The following SLC6A11 variants were observed in gnomAD, a reference collection of about 807,000 sequenced individuals.
SLC6A11 encodes sodium- and chloride-dependent GABA transporter 3.
SLC6A11 carries 25 observed loss-of-function variants against 74.8 expected under a neutral mutation model. That is an observed-to-expected ratio of 0.33 (90% confidence interval 0.24 to 0.47). The LOEUF (loss-of-function observed/expected upper bound fraction) is 0.47. SLC6A11 is among the 20% of genes least tolerant of loss of function. The pLI is 1.00. For missense variants in SLC6A11, 574 were observed against 837.0 expected (o/e 0.69, Z 3.88); for synonymous variants, 330 against 330.2 (o/e 1.00, Z 0.01).
intron 5 of SLC6A11, among the ~76,000 whole-genome samples, chr3:10,866,550 G>A (rs1252666162): frequency 1.3e-5 from 2 of 152,162 alleles, no homozygotes; most frequent in Non-Finnish European, 2.9e-5. Context: ...TCCCACATGG[G>A]TCAGTGTTTA....
rs1171936688 is a variant in SLC6A11 at position 10,844,298 on chromosome 3, G to A, written c.708G>A (p.Trp236Ter). The A allele has an allele frequency of 6.2e-7, 1 of 1,614,222 alleles. No individual in the cohort carries two copies. The highest frequency in any genetic ancestry group is 1.3e-5 in the African/African-American group (1 of 75,066). Residue 236 changes from tryptophan to a stop codon, truncating the protein, a stop_gained, in exon 5 of 14, where the codon TGG becomes TGA. Coordinates refer to ENST00000254488, the MANE Select transcript of SLC6A11 (RefSeq NM_014229.3). LOFTEE classifies it high-confidence loss of function. ...WELALCLLAA[W>*]TICYFCIWKG... ...TGGCCTTGTGTCTCTTGGCAGCCTG[G>A]ACCATCTGTTACTTCTGTATCTGGA...
At chr3:10,904,416 A>G (rs1559577995) in intron 6 of SLC6A11, among the ~76,000 whole-genome samples, 1 of 152,136 alleles carries the variant, frequency 6.6e-6, no homozygotes, top group African/African-American at 2.4e-5. Flanking sequence ...CCCTGTTCCC[A>G]TGCAAATCTG....
intron 12 of SLC6A11, 84 bp from the exon 13 acceptor site, chr3:10,934,945 A>T (rs1695738870): frequency 8.4e-7 from 1 of 1,190,928 alleles, no homozygotes; most frequent in Non-Finnish European, 1.2e-6. Context: ...GCCTCTGGCT[A>T]GTCTGTTCCT....
At chr3:10,908,733 T>G (rs919109371) in intron 6 of SLC6A11, among the ~76,000 whole-genome samples, 12 of 152,096 alleles carry the variant, frequency 7.9e-5, no homozygotes, top group African/African-American at 2.9e-4. Context: ...TCTTTCAGAG[T>G]GTGACACAGG....
chr3:10,871,335 G>T (rs1022713059), intron 5 of SLC6A11, among the ~76,000 whole-genome samples: 5 of 152,172 alleles, frequency 3.3e-5, no homozygotes, highest in Admixed American at 1.3e-4. Flanking sequence ...ACATGGTAAG[G>T]TTCTTTTCCT....
At chr3:10,887,910 A>G (rs1237614494) in intron 6 of SLC6A11, among the ~76,000 whole-genome samples, 1 of 152,232 alleles carries the variant, frequency 6.6e-6, no homozygotes, top group African/African-American at 2.4e-5. Flanking sequence ...AATAAGATGA[A>G]GTCAGTAGAC....
intron 10 of SLC6A11, 26 bp downstream of exon 10, chr3:10,929,365 G>A (rs746884707): frequency 1.4e-5 from 22 of 1,609,774 alleles, no homozygotes; most frequent in East Asian, 1.1e-4. Context: ...CGGGCCGCAC[G>A]GGGTGAAGTG....
At chr3:10,848,298 G>A (rs1559559174) in intron 5 of SLC6A11, among the ~76,000 whole-genome samples, 1 of 152,216 alleles carries the variant, frequency 6.6e-6, no homozygotes, top group Admixed American at 6.5e-5. Context: ...CGAATAAGTT[G>A]ATCCCAAATG....
intron 4 of SLC6A11, among the ~76,000 whole-genome samples, chr3:10,838,574 C>A (rs892445007): frequency 6.6e-6 from 1 of 152,172 alleles, no homozygotes; most frequent in Non-Finnish European, 1.5e-5. Context: ...TATGGTGAAA[C>A]CCTGTCTTTA....
At chr3:10,913,638 C>G (rs556066992) in intron 7 of SLC6A11, among the ~76,000 whole-genome samples, 22 of 152,278 alleles carry the variant, frequency 1.4e-4, no homozygotes, top group African/African-American at 5.3e-4. Flanking sequence ...ATAAAGAATA[C>G]AAACAAGTCT....
chr3:10,897,776 C>G (rs1695188212), intron 6 of SLC6A11, among the ~76,000 whole-genome samples: 1 of 152,204 alleles, frequency 6.6e-6, no homozygotes, highest in African/African-American at 2.4e-5. Context: ...CCTCTTCTCA[C>G]AGCTCCACTA....
intron 6 of SLC6A11, among the ~76,000 whole-genome samples, chr3:10,878,584 T>A (rs1235571844): frequency 5.9e-5 from 9 of 151,634 alleles, no homozygotes; most frequent in Non-Finnish European, 1.0e-4. Flanking sequence ...TTTGTATTTT[T>A]TTTTTTTTTT....
chr3:10,845,099 T>C (rs909689119), intron 5 of SLC6A11, among the ~76,000 whole-genome samples: 6 of 152,230 alleles, frequency 3.9e-5, no homozygotes, highest in Non-Finnish European at 8.8e-5. Flanking sequence ...AACTCACTTC[T>C]GTGTTTACTT....
At chr3:10,839,581 TG>T (rs1418395697) in intron 4 of SLC6A11, among the ~76,000 whole-genome samples, 4 of 152,228 alleles carry the variant, frequency 2.6e-5, no homozygotes, top group Non-Finnish European at 5.9e-5. Flanking sequence ...CTTGAGATGT[TG>T]GGGTTGTGGG....
intron 5 of SLC6A11, among the ~76,000 whole-genome samples, chr3:10,860,504 G>A (rs1204406962): frequency 1.3e-5 from 2 of 152,236 alleles, no homozygotes. Context: ...CAACATGTAA[G>A]GGGCTGAGAG....
At chr3:10,925,093 A>G (rs962323982) in intron 8 of SLC6A11, among the ~76,000 whole-genome samples, 5 of 152,248 alleles carry the variant, frequency 3.3e-5, no homozygotes, top group African/African-American at 9.6e-5. Context: ...CAAGGGGCCA[A>G]TGGCAGTGTT....
intron 4 of SLC6A11, among the ~76,000 whole-genome samples, chr3:10,839,859 A>G (rs1194095663): frequency 1.3e-5 from 2 of 152,068 alleles, no homozygotes; most frequent in East Asian, 1.9e-4. Flanking sequence ...TACCCATCCA[A>G]GGATCCATGC....
intron 5 of SLC6A11, among the ~76,000 whole-genome samples, chr3:10,871,395 G>A (rs1694827063): frequency 6.6e-6 from 1 of 152,146 alleles, no homozygotes; most frequent in Admixed American, 6.5e-5. Context: ...CAAATATTAT[G>A]TATCTGGAAC....
At chr3:10,878,666 G>A (rs150042251) in intron 6 of SLC6A11, among the ~76,000 whole-genome samples, 2,942 of 151,398 alleles carry the variant, frequency 0.019, 69 homozygotes, top group East Asian at 0.11. Flanking sequence ...ACCCACCTTG[G>A]CCTCCCAAAG....
Sources: gnomAD v4.1 joint callset for allele counts (sites outside exome capture counted in the v4.1 genomes callset) on GRCh38, gnomAD v4.1.1 for gene constraint, MANE v1.5 for transcripts, NCBI Gene and HGNC (gene_info 2026-07-23, HGNC 2026-07-21) for gene names.